Variants in CLYBL observed in about 807,000 individuals in gnomAD.
CLYBL encodes citramalyl-CoA lyase.
In CLYBL, 31 loss-of-function variants were observed where a neutral mutation model predicts 38.9. The observed-to-expected ratio is 0.80, with a 90% CI of 0.60 to 1.08. The LOEUF is 1.08. Among genes scored for constraint, CLYBL ranks in the 50% least tolerant of loss-of-function variants. CLYBL has a pLI of 0.00. For missense variants in CLYBL, 434 were observed against 411.6 expected, an observed-to-expected ratio of 1.05 and a Z score of -0.47; for synonymous variants, 171 against 158.6, an observed-to-expected ratio of 1.08 and a Z score of -0.59.
At chr13:99,707,192 T>C (rs1170698748) in intron 1 of CLYBL, among the ~76,000 whole-genome samples, 5 of 152,216 alleles carry the variant, frequency 3.3e-5, no homozygotes, top group Non-Finnish European at 7.3e-5. Context: ...ATTTATCTTC[T>C]TTAGACTTTT....
chr13:99,665,588 TA>T lies in CLYBL; in HGVS notation c.62+58842del, dbSNP rs576278832. On this transcript the variant is annotated intron_variant, in intron 1 of 8. Coordinates refer to ENST00000339105, the MANE Select transcript of CLYBL (RefSeq NM_206808.5). ...AGTCTCCACATATGGTCCCAAAGGT[TA>T]AAAAAAAAAACCCAAAACTCCTCTG... is the stretch of plus-strand genomic sequence containing the variant. Among the ~76,000 whole-genome samples, 299 of 145,058 alleles carry T rather than the reference TA, an allele frequency of 2.1e-3. 2 individuals are homozygous for T. The highest frequency in any genetic ancestry group is 0.017 in the East Asian group (83 of 4,986).
At chr13:99,838,949 A>G (rs1435111583) in intron 2 of CLYBL, among the ~76,000 whole-genome samples, 1 of 152,240 alleles carries the variant, frequency 6.6e-6, no homozygotes, top group African/African-American at 2.4e-5. Context: ...TACATTTCAC[A>G]TTCTTAAAAG....
chr13:99,805,272 A>T (rs1042854904), intron 2 of CLYBL, among the ~76,000 whole-genome samples: 3 of 152,158 alleles, frequency 2.0e-5, no homozygotes, highest in Non-Finnish European at 4.4e-5. Context: ...TTTTGGGTAT[A>T]TCCCCAGAAG....
intron 7 of CLYBL, among the ~76,000 whole-genome samples, chr13:99,871,823 A>G (rs1244238490): frequency 6.6e-6 from 1 of 152,166 alleles, no homozygotes; most frequent in Non-Finnish European, 1.5e-5. Context: ...TCTTTTTAAG[A>G]GGATAGGAGG....
At chr13:99,763,792 A>G (rs952513299) in intron 1 of CLYBL, among the ~76,000 whole-genome samples, 4 of 151,984 alleles carry the variant, frequency 2.6e-5, no homozygotes, top group African/African-American at 9.7e-5. Context: ...CGACCTCATG[A>G]TCTGCCCGCC....
chr13:99,853,427 T>C lies in CLYBL; in HGVS notation c.250-5434T>C, dbSNP rs540485053. Among the ~76,000 whole-genome samples the C allele has an allele frequency of 1.3e-4, 20 of 152,360 alleles. No individual in the cohort carries two copies. The East Asian group carries it at 3.9e-3, about 29-fold the overall frequency. ...ATCTACATTTTCAGAGTAAACAGGG[T>C]GCCTGGCATGTAACGCTTTGTAAGA... is the stretch of plus-strand genomic sequence containing the variant. On this transcript the variant is annotated intron_variant, in intron 2 of 8. Transcript: ENST00000339105.
At chr13:99,808,968 C>T (rs1166620315) in intron 2 of CLYBL, among the ~76,000 whole-genome samples, 1 of 152,112 alleles carries the variant, frequency 6.6e-6, no homozygotes, top group Non-Finnish European at 1.5e-5. Context: ...AAGTTCACGT[C>T]CTGAGCATCT....
At position 99,651,509 on chromosome 13, in the gene CLYBL, G is replaced by C. The variant is rs2047252458; in HGVS notation, c.62+44752G>C. Among the ~76,000 whole-genome samples the C allele has an allele frequency of 2.0e-5, 3 of 152,156 alleles. No homozygotes were observed. In the South Asian group the frequency reaches 6.2e-4, roughly 32 times the overall value. On this transcript the variant is annotated intron_variant, in intron 1 of 8. Coordinates refer to ENST00000339105, the MANE Select transcript of CLYBL (RefSeq NM_206808.5). ...CGCTTGAACCCAGGAGACGGAGGTT[G>C]TAGTGAGCCAAGATCACACCACTGC...
At chr13:99,733,362 G>C (rs1394327210) in intron 1 of CLYBL, among the ~76,000 whole-genome samples, 1 of 152,076 alleles carries the variant, frequency 6.6e-6, no homozygotes, top group Admixed American at 6.5e-5. Flanking sequence ...TAGACAGAGA[G>C]GGCTGGTAAG....
chr13:99,744,657 A>G (rs1306820234), intron 1 of CLYBL, among the ~76,000 whole-genome samples: 1 of 152,186 alleles, frequency 6.6e-6, no homozygotes, highest in Non-Finnish European at 1.5e-5. Flanking sequence ...ATAGATGGCG[A>G]TTAAATTTCC....
chr13:99,800,002 G>A (rs1389783997), intron 2 of CLYBL, among the ~76,000 whole-genome samples: 2 of 152,182 alleles, frequency 1.3e-5, no homozygotes, highest in African/African-American at 4.8e-5. Flanking sequence ...GATCCTGTTG[G>A]GATTCTTTTA....
At chr13:99,819,422 A>T (rs1340852384) in intron 2 of CLYBL, among the ~76,000 whole-genome samples, 1 of 10,712 alleles carries the variant, frequency 9.3e-5, no homozygotes, top group Non-Finnish European at 1.5e-4. Flanking sequence ...AAATTTATAT[A>T]TATATATATA....
intron 1 of CLYBL, among the ~76,000 whole-genome samples, chr13:99,740,149 A>G (rs2048728642): frequency 1.3e-5 from 2 of 152,222 alleles, no homozygotes; most frequent in African/African-American, 4.8e-5. Flanking sequence ...AAATGCTTCA[A>G]ACTTAAAGAA....
chr13:99,799,001 T>C (rs9513667), intron 2 of CLYBL, among the ~76,000 whole-genome samples: 27,032 of 152,062 alleles, frequency 0.18, 2,580 homozygotes, highest in East Asian at 0.25. Context: ...ACAAAGAAAA[T>C]CATCAAATTG....
rs183857236 is a variant in CLYBL, at chr13:99,714,275, A to C, written c.63-58549A>C. Among the ~76,000 whole-genome samples, 1,009 of 152,228 alleles carry C rather than the reference A, an allele frequency of 6.6e-3. 9 individuals carry two copies. Among genetic ancestry groups the C allele is most frequent in the Admixed American group, 0.011 (171 of 15,278 alleles). Reference sequence around the variant, plus strand: ...TTCGGTTTTTATCTTTCAAGTTGATAACTTTTGTCGAAGGTCTGGTGGTGT... The same window carrying C: ...TTCGGTTTTTATCTTTCAAGTTGATCACTTTTGTCGAAGGTCTGGTGGTGT... On this transcript the variant is annotated intron_variant, in intron 1 of 8. Coordinates refer to ENST00000339105, the MANE Select transcript of CLYBL (RefSeq NM_206808.5).
At chr13:99,846,541 C>T (rs534891341) in intron 2 of CLYBL, among the ~76,000 whole-genome samples, 126 of 152,272 alleles carry the variant, frequency 8.3e-4, no homozygotes, top group African/African-American at 2.9e-3. Flanking sequence ...TTTCTTCATT[C>T]GTGTCTGCCA....
At chr13:99,898,527 C>A (rs1021809590), downstream of CLYBL, among the ~76,000 whole-genome samples, 1 of 152,148 alleles carries the variant, frequency 6.6e-6, no homozygotes, top group Non-Finnish European at 1.5e-5. Flanking sequence ...GCCTGGAATT[C>A]GTGCGGTGGC....
intron 7 of CLYBL, among the ~76,000 whole-genome samples, chr13:99,884,260 TA>T (rs1280910887): frequency 2.0e-5 from 3 of 152,154 alleles, no homozygotes; most frequent in Non-Finnish European, 4.4e-5. Context: ...CATGTGCAGA[TA>T]AAGGAGAGGA....
intron 1 of CLYBL, among the ~76,000 whole-genome samples, chr13:99,697,793 C>T (rs1403646887): frequency 6.6e-6 from 1 of 150,856 alleles, no homozygotes; most frequent in Non-Finnish European, 1.5e-5. Context: ...AGTACAGGCA[C>T]CCGCCACCAC....
Sources: gnomAD v4.1 joint callset for allele counts (sites outside exome capture counted in the v4.1 genomes callset) on GRCh38, gnomAD v4.1.1 for gene constraint, MANE v1.5 for transcripts, NCBI Gene and HGNC (gene_info 2026-07-23, HGNC 2026-07-21) for gene names.